ATRNL1: variants seen among roughly 807,000 people sequenced by gnomAD.
ATRNL1 encodes attractin like 1.
Under a neutral mutation model 182.7 loss-of-function variants are expected in ATRNL1, and 95 were observed. The ratio of observed to expected loss-of-function variants is 0.52; its 90% CI spans 0.44 to 0.62. The LOEUF is 0.62. Ranked by LOEUF, ATRNL1 falls within the 20% of genes least tolerant of loss-of-function variation. The pLI is 0.00. For missense variants in ATRNL1, 1,471 were observed against 1,679.5 expected (o/e 0.88, Z 2.17); for synonymous variants, 576 against 568.3 (o/e 1.01, Z -0.19).
intron 19 of ATRNL1, among the ~76,000 whole-genome samples, chr10:115,352,198 T>A (rs1347866490): frequency 2.6e-5 from 4 of 151,948 alleles, no homozygotes; most frequent in African/African-American, 9.7e-5. Context: ...ATCTTCTCAC[T>A]TTTTTTCTTA....
chr10:115,369,590 A>G (rs1176154492), intron 19 of ATRNL1, among the ~76,000 whole-genome samples: 1 of 152,212 alleles, frequency 6.6e-6, no homozygotes, highest in African/African-American at 2.4e-5. Context: ...ATATATACAC[A>G]GTAGTGGGAT....
chr10:115,871,662 A>G (rs1951589914), intron 28 of ATRNL1, among the ~76,000 whole-genome samples: 1 of 151,988 alleles, frequency 6.6e-6, no homozygotes, highest in Non-Finnish European at 1.5e-5. Context: ...AGGGTCTATA[A>G]ACTCTGGGCT....
intron 24 of ATRNL1, among the ~76,000 whole-genome samples, chr10:115,474,769 T>C (rs1446360030): frequency 6.6e-6 from 1 of 151,372 alleles, no homozygotes; most frequent in Admixed American, 6.6e-5. Context: ...AATTTAAATT[T>C]GGTGATACAA....
chr10:115,593,800 G>A (rs17093329), intron 26 of ATRNL1, among the ~76,000 whole-genome samples: 1 of 152,012 alleles, frequency 6.6e-6, no homozygotes, highest in Non-Finnish European at 1.5e-5. Context: ...GTTGTCAAAT[G>A]GGTAGTTTTG....
chr10:115,129,217 AT>A, intron 4 of ATRNL1, 109 bp from the exon 5 acceptor site: 1 of 714,526 alleles, frequency 1.4e-6, no homozygotes, highest in South Asian at 2.0e-5. Context: ...ATTCTGTTAC[AT>A]TTATAAGCAC....
chr10:115,646,854 C>T (rs1186222107), intron 26 of ATRNL1, among the ~76,000 whole-genome samples: 52 of 151,376 alleles, frequency 3.4e-4, no homozygotes, highest in Admixed American at 2.4e-3. Context: ...GCAGGTTTGT[C>T]ACATATGTAT....
intron 5 of ATRNL1, among the ~76,000 whole-genome samples, chr10:115,136,312 C>T (rs1554876666): frequency 2.0e-5 from 3 of 152,150 alleles, no homozygotes; most frequent in Non-Finnish European, 2.9e-5. Flanking sequence ...TTGAGGTTCA[C>T]AGGAAAATTG....
chr10:115,325,642 C>T (rs1351084586), intron 18 of ATRNL1, among the ~76,000 whole-genome samples: 3 of 152,100 alleles, frequency 2.0e-5, no homozygotes, highest in African/African-American at 4.8e-5. Flanking sequence ...TGATATGCTT[C>T]TTGACTGCCC....
At chr10:115,665,793 T>C (rs1555039519) in intron 26 of ATRNL1, among the ~76,000 whole-genome samples, 2 of 152,150 alleles carry the variant, frequency 1.3e-5, no homozygotes, top group African/African-American at 4.8e-5. Flanking sequence ...AGGCAGACAT[T>C]GGACCAAAGC....
intron 27 of ATRNL1, among the ~76,000 whole-genome samples, chr10:115,792,847 T>A (rs1381793175): frequency 6.6e-6 from 1 of 151,984 alleles, no homozygotes; most frequent in Admixed American, 6.5e-5. Context: ...CACAGAACTC[T>A]ACTTCTAAAA....
intron 6 of ATRNL1, among the ~76,000 whole-genome samples, chr10:115,161,788 TTAGAGA>T (rs1554883363): frequency 5.3e-5 from 8 of 152,070 alleles, no homozygotes; most frequent in Non-Finnish European, 8.8e-5. Flanking sequence ...TTTTCACAGG[TTAGAGA>T]ATACTTTTCA....
chr10:115,461,855 GTGTACAATA>G, intron 21 of ATRNL1, 77 bp from the exon 22 acceptor site: 1 of 656,912 alleles, frequency 1.5e-6, no homozygotes, highest in Non-Finnish European at 2.5e-6. Flanking sequence ...TTTAATATCA[GTGTACAATA>G]TATTGTAACC....
intron 18 of ATRNL1, among the ~76,000 whole-genome samples, chr10:115,323,653 A>G (rs1554932246): frequency 6.6e-6 from 1 of 152,038 alleles, no homozygotes; most frequent in African/African-American, 2.4e-5. Context: ...TGTGTTGGCC[A>G]GGCTGTCCTT....
In ATRNL1 at chr10:115,727,342, G is replaced by A. The variant is rs147506617; in HGVS notation, c.3890G>A (p.Arg1297Gln). The A allele has an allele frequency of 3.0e-4, 479 of 1,613,806 alleles. 1 individual carries two copies. The highest frequency in any genetic ancestry group is 2.8e-5 in the Non-Finnish European group (33 of 1,179,756). Residue 1297 changes from arginine to glutamine, a missense_variant, in exon 27 of 29, where the codon CGA (arginine) becomes CAA (glutamine). Physicochemically the swap from Arg to Gln is conservative, Grantham distance 43. This residue lies in a region of ATRNL1 where 437 missense variants were observed against 506.0 expected (regional missense o/e 0.86). Transcript: ENST00000355044. ...EVGAEQTEFL[R>Q]GPLEGAPKPI... Reference sequence around the variant, plus strand: ...GGAGCTGAACAAACAGAGTTTCTGCGAGGGCCATTAGAGGTAGGAACAGCG... The same window carrying A: ...GGAGCTGAACAAACAGAGTTTCTGCAAGGGCCATTAGAGGTAGGAACAGCG...
chr10:115,554,663 G>T (rs1853208858), intron 26 of ATRNL1, among the ~76,000 whole-genome samples: 1 of 151,366 alleles, frequency 6.6e-6, no homozygotes, highest in African/African-American at 2.4e-5. Flanking sequence ...GGAGCACCTG[G>T]ATTTACTTTA....
At chr10:115,381,841 G>C (rs1402690479) in intron 19 of ATRNL1, among the ~76,000 whole-genome samples, 1 of 151,764 alleles carries the variant, frequency 6.6e-6, no homozygotes, top group Non-Finnish European at 1.5e-5. Context: ...CTTATATTTA[G>C]GTGTCTTATG....
chr10:115,524,319 C>T (rs1048269034), intron 25 of ATRNL1, among the ~76,000 whole-genome samples: 3 of 152,018 alleles, frequency 2.0e-5, no homozygotes, highest in Non-Finnish European at 2.9e-5. Context: ...TCAGTCCTTT[C>T]ATATATTGAA....
chr10:115,625,933 A>T (rs187075493), intron 26 of ATRNL1, among the ~76,000 whole-genome samples: 1 of 152,208 alleles, frequency 6.6e-6, no homozygotes, highest in African/African-American at 2.4e-5. Context: ...CCTTGAATGC[A>T]TACCCTTACT....
chr10:115,336,984 G>A (rs1038057778), intron 19 of ATRNL1, among the ~76,000 whole-genome samples: 3 of 146,788 alleles, frequency 2.0e-5, no homozygotes, highest in East Asian at 2.0e-4. Flanking sequence ...TAGCTGGGGG[G>A]GGGGGACTAC....
Sources: allele counts gnomAD v4.1 joint callset (sites outside exome capture counted in the v4.1 genomes callset), GRCh38; gene constraint gnomAD v4.1.1; regional missense constraint gnomAD v4.1.1; transcripts MANE v1.5; gene names NCBI Gene and HGNC (gene_info 2026-07-23, HGNC 2026-07-21).